Variants in EIF2AK4 observed in about 807,000 individuals in gnomAD.
EIF2AK4 encodes the protein eukaryotic translation initiation factor 2 alpha kinase 4, also known as eIF-2-alpha kinase GCN2.
Under a neutral mutation model 211.1 loss-of-function variants are expected in EIF2AK4, and 139 were observed. The observed-to-expected ratio is 0.66, with a 90% CI of 0.57 to 0.76. The LOEUF is 0.76. Among genes scored for constraint, EIF2AK4 ranks in the 30% least tolerant of loss-of-function variants. The pLI, the probability that EIF2AK4 is intolerant of heterozygous loss-of-function variation, is 0.00. For synonymous variants in EIF2AK4, 710 were observed against 751.3 expected (o/e 0.94, Z 0.90); for missense variants, 1,664 against 2,043.8 (o/e 0.81, Z 3.58).
chr15:40,030,587 C>A, intron 35 of EIF2AK4, 131 bp downstream of exon 35: 2 of 950,698 alleles, frequency 2.1e-6, no homozygotes, highest in Non-Finnish European at 3.1e-6. Flanking sequence ...ATTTTTCTTC[C>A]AACTTGCCTA....
intron 16 of EIF2AK4, chr15:39,991,213 G>A (rs888866984): frequency 1.3e-5 from 2 of 152,652 alleles, no homozygotes; most frequent in Non-Finnish European, 2.9e-5. Context: ...GGTGAGACTA[G>A]GAGTGGAAAG....
chr15:40,034,148 A>C (rs1024394996), intron 37 of EIF2AK4, among the ~76,000 whole-genome samples, 178 bp from the exon 38 acceptor site: 1 of 152,164 alleles, frequency 6.6e-6, no homozygotes, highest in East Asian at 1.9e-4. Context: ...TTTTAAGGAA[A>C]ACTGGTGCTT....
intron 2 of EIF2AK4, among the ~76,000 whole-genome samples, chr15:39,940,869 A>G (rs1159470185): frequency 6.6e-6 from 1 of 152,152 alleles, no homozygotes. Flanking sequence ...CTGACCATTT[A>G]TAGCCAGTAT....
chr15:40,017,296 C>T (rs540043026), intron 29 of EIF2AK4, 54 bp downstream of exon 29: 133 of 1,528,304 alleles, frequency 8.7e-5, no homozygotes, highest in Admixed American at 6.2e-4. Context: ...TTCTTCTAAA[C>T]TTGTTATTTT....
intron 13 of EIF2AK4, among the ~76,000 whole-genome samples, chr15:39,983,623 G>A (rs1202403948): frequency 6.6e-6 from 1 of 152,166 alleles, no homozygotes; most frequent in Non-Finnish European, 1.5e-5. Flanking sequence ...TGTATTTTTG[G>A]TAGAGAAGGG....
At chr15:39,964,342 CTATTATT>C (rs1280593009) in intron 7 of EIF2AK4, among the ~76,000 whole-genome samples, 2 of 152,102 alleles carry the variant, frequency 1.3e-5, no homozygotes, top group Admixed American at 1.3e-4. Context: ...TCATGGAAAA[CTATTATT>C]TATATAAGAG....
At position 40,015,907 on chromosome 15, in the gene EIF2AK4, T is replaced by A. The variant is rs1240766441; in HGVS notation, c.3760-595T>A. Reference sequence around the variant, plus strand: ...TGAGTACCAGGGACTGTGAGATCAATCATCTCTAGCCACTGACCTCTTCTG... The same window carrying A: ...TGAGTACCAGGGACTGTGAGATCAAACATCTCTAGCCACTGACCTCTTCTG... On this transcript the variant is annotated intron_variant, in intron 27 of 38. Transcript: ENST00000263791. 3.9e-5 allele frequency among the ~76,000 whole-genome samples: 6 copies of A among 152,234 alleles called. No individual in the cohort carries two copies. In the East Asian group the frequency reaches 1.2e-3, roughly 29 times the overall value.
intron 32 of EIF2AK4, among the ~76,000 whole-genome samples, chr15:40,023,416 C>T (rs116633748): frequency 0.011 from 1,608 of 152,158 alleles, 28 homozygotes; most frequent in African/African-American, 0.037. Flanking sequence ...GTTCTCTCCT[C>T]TTCTGTTTTC....
intron 13 of EIF2AK4, among the ~76,000 whole-genome samples, chr15:39,982,332 T>C (rs939620832): frequency 6.6e-6 from 1 of 152,186 alleles, no homozygotes; most frequent in African/African-American, 2.4e-5. Context: ...CCTTCAAATA[T>C]TAGCCTGTAT....
In EIF2AK4 at chr15:39,974,163, C is replaced by A. The variant is rs571820659; in HGVS notation, c.1818+414C>A. ...ATGGACTTCAAACTGGGAGATGGCC[C>A]CAGCAGGTCTCGATGGCTTTTATTT... On this transcript the variant is annotated intron_variant, in intron 11 of 38. Coordinates refer to ENST00000263791, the MANE Select transcript of EIF2AK4 (RefSeq NM_001013703.4). 222 of 153,422 alleles carry A rather than the reference C, an allele frequency of 1.4e-3. 1 individual carries two copies. The highest frequency in any genetic ancestry group is 2.7e-3 in the Non-Finnish European group (185 of 68,994). The allele number at this position is 153,422 out of a possible 1,614,324, so 9.5% of individuals were successfully genotyped here. A position where few individuals can be genotyped will look rare whatever the true frequency, so the allele number is the denominator to read the frequency against.
rs776413048 is a variant in EIF2AK4 at position 40,029,377 on chromosome 15, TTTAA to T, written c.4503-26_4503-23del. 1.9e-4 allele frequency: 301 copies of T among 1,611,220 alleles called. 1 individual carries two copies. The highest frequency in any genetic ancestry group is 2.7e-4 in the African/African-American group (20 of 75,032). On this transcript the variant is annotated intron_variant, in intron 33 of 38. Transcript: ENST00000263791. ...GTTGCTTGTGCCTTATTGACTGTTCTTTAATTGTTTTTGTTTGCTTGTTTTTAGA... is the reference window on the plus strand; with the variant it reads ...GTTGCTTGTGCCTTATTGACTGTTCTTTGTTTTTGTTTGCTTGTTTTTAGA...
At chr15:40,004,230 C>T (rs2035130033) in intron 23 of EIF2AK4, among the ~76,000 whole-genome samples, 1 of 152,174 alleles carries the variant, frequency 6.6e-6, no homozygotes, top group African/African-American at 2.4e-5. Flanking sequence ...GTTGCACATT[C>T]TTTATCCTTA....
At chr15:39,957,827 T>C (rs926056255) in intron 6 of EIF2AK4, among the ~76,000 whole-genome samples, 12 of 152,170 alleles carry the variant, frequency 7.9e-5, no homozygotes, top group Non-Finnish European at 1.2e-4. Context: ...ACCAGGGCAG[T>C]TTTGCTTCTC....
intron 32 of EIF2AK4, among the ~76,000 whole-genome samples, chr15:40,024,218 CT>C (rs143060366): frequency 1.2e-4 from 17 of 144,882 alleles, no homozygotes; most frequent in Admixed American, 1.4e-4. Context: ...TTTAACCTGT[CT>C]TTTTTTTTTA....
intron 27 of EIF2AK4, among the ~76,000 whole-genome samples, chr15:40,015,074 C>T (rs2035286652): frequency 6.6e-6 from 1 of 152,164 alleles, no homozygotes; most frequent in Admixed American, 6.5e-5. Flanking sequence ...TTGACCACAT[C>T]ATTATCAGCA....
chr15:39,969,640 G>C (rs952879918), intron 9 of EIF2AK4, among the ~76,000 whole-genome samples: 1 of 152,162 alleles, frequency 6.6e-6, no homozygotes, highest in Non-Finnish European at 1.5e-5. Context: ...GATTACAGGC[G>C]TGAGCCATAG....
chr15:39,934,612 T>A (rs1299277902), intron 1 of EIF2AK4, among the ~76,000 whole-genome samples: 2 of 152,224 alleles, frequency 1.3e-5, no homozygotes, highest in African/African-American at 2.4e-5. Context: ...TTCTTATTCC[T>A]GCCTACATCC....
At chr15:40,005,376 A>G (rs555999523) in intron 23 of EIF2AK4, among the ~76,000 whole-genome samples, 34 of 151,894 alleles carry the variant, frequency 2.2e-4, no homozygotes, top group Admixed American at 2.2e-3. Context: ...TTTTTAAAAA[A>G]ATTGTGTGTG....
chr15:39,988,743 G>A (rs1489470828), intron 15 of EIF2AK4, among the ~76,000 whole-genome samples: 1 of 152,170 alleles, frequency 6.6e-6, no homozygotes, highest in Admixed American at 6.5e-5. Flanking sequence ...GCTCATGCCT[G>A]TAATCCCAGC....
Sources: allele counts gnomAD v4.1 joint callset (sites outside exome capture counted in the v4.1 genomes callset), GRCh38; gene constraint gnomAD v4.1.1; transcripts MANE v1.5; gene names NCBI Gene and HGNC (gene_info 2026-07-23, HGNC 2026-07-21).